The following PRTG variants were observed in gnomAD, a reference collection of about 807,000 sequenced individuals.
The protein encoded by PRTG is immunoglobulin superfamily, DCC subclass, member 5.
A neutral mutation model predicts 122.5 loss-of-function variants in PRTG; 67 were observed. The observed-to-expected ratio is 0.55, with a 90% CI of 0.45 to 0.67. The LOEUF (loss-of-function observed/expected upper bound fraction) is 0.67. PRTG is among the 30% of genes least tolerant of loss of function. PRTG has a pLI of 0.00. For synonymous variants in PRTG, 554 were observed against 501.1 expected (o/e 1.11, Z -1.41); for missense variants, 1,435 against 1,415.4 (o/e 1.01, Z -0.22).
At chr15:55,712,920 C>T (rs539059971) in intron 2 of PRTG, among the ~76,000 whole-genome samples, 2 of 152,222 alleles carry the variant, frequency 1.3e-5, no homozygotes, top group East Asian at 3.9e-4. Context: ...TATTTTAGAC[C>T]ACTCATTTAA....
chr15:55,696,617 C>T (rs2059633399), intron 2 of PRTG, among the ~76,000 whole-genome samples: 1 of 152,294 alleles, frequency 6.6e-6, no homozygotes, highest in South Asian at 2.1e-4. Flanking sequence ...AGGCAAGAAG[C>T]TATTTGTTAT....
chr15:55,645,536 T>C (rs980661112), intron 11 of PRTG, among the ~76,000 whole-genome samples: 3 of 141,996 alleles, frequency 2.1e-5, no homozygotes, highest in Non-Finnish European at 3.1e-5. Context: ...AAAGAAAACA[T>C]AGAACAGCTA....
chr15:55,659,369 C>T (rs963984333), intron 11 of PRTG, among the ~76,000 whole-genome samples: 6 of 152,046 alleles, frequency 3.9e-5, no homozygotes, highest in African/African-American at 1.4e-4. Context: ...CTTTAGTTTA[C>T]ACCATCCCTT....
chr15:55,616,214 A>G lies in PRTG; in HGVS notation c.*3798T>C, dbSNP rs1475046311. 1 of 152,130 alleles carries G rather than the reference A, an allele frequency of 6.6e-6. No individual in the cohort carries two copies. The highest frequency in any genetic ancestry group is 1.5e-5 in the Non-Finnish European group (1 of 68,000). The allele number at this position is 152,130 out of a possible 1,614,324, so 9.4% of individuals were successfully genotyped here. On this transcript the variant is annotated 3_prime_UTR_variant, in exon 20 of 20. Coordinates refer to ENST00000389286, the MANE Select transcript of PRTG (RefSeq NM_173814.6). ...ACCCAAGGTTCCATTAAAGTTTGAA[A>G]ACTGAGCTCCTTTGGTGCAATGCAA...
chr15:55,628,682 A>C, intron 16 of PRTG, 140 bp downstream of exon 16: 1 of 626,718 alleles, frequency 1.6e-6, no homozygotes, highest in Non-Finnish European at 2.6e-6. Flanking sequence ...CAACTCTATA[A>C]CATCAGAAGC....
chr15:55,617,523 T>C lies in PRTG; in HGVS notation c.*2489A>G, dbSNP rs1411077536. The C allele has an allele frequency of 2.0e-5, 3 of 152,128 alleles. No homozygotes were observed. The highest frequency in any genetic ancestry group is 4.8e-5 in the African/African-American group (2 of 41,456). 9.4% of individuals were successfully genotyped at this position (152,128 alleles called of 1,614,324 possible). On this transcript the variant is annotated 3_prime_UTR_variant, in exon 20 of 20. Coordinates refer to ENST00000389286, the MANE Select transcript of PRTG (RefSeq NM_173814.6). Reference sequence around the variant, plus strand: ...AGTTAATTCAATTTGGGGGGAATTATAATCAAAATTTTATTTTCTACTGAA... The same window carrying C: ...AGTTAATTCAATTTGGGGGGAATTACAATCAAAATTTTATTTTCTACTGAA...
rs1465269402 is a variant in PRTG, at chr15:55,673,434, C to G, written c.1789G>C (p.Val597Leu). The G allele has an allele frequency of 6.2e-7, 1 of 1,614,172 alleles. No homozygotes were observed. The highest frequency in any genetic ancestry group is 8.5e-7 in the Non-Finnish European group (1 of 1,180,018). ...CATACTGATGACTCTCCCAGCCCCA[C>G]TCTGGTGGCAGCAGTAATCCGAACC... The part of the protein sequence containing the change: ...YLVRITAATR[V>L]GLGESSVWTS... Residue 597 changes from valine (V) to leucine (L), a missense_variant, in exon 10 of 20, where the codon GTG (valine) becomes CTG (leucine). Coordinates refer to ENST00000389286, the MANE Select transcript of PRTG (RefSeq NM_173814.6).
intron 2 of PRTG, among the ~76,000 whole-genome samples, chr15:55,697,867 G>C (rs1394295408): frequency 6.6e-6 from 1 of 152,156 alleles, no homozygotes; most frequent in Non-Finnish European, 1.5e-5. Flanking sequence ...GATAACGTAA[G>C]GTAATGCATG....
At chr15:55,692,201 C>T (rs917587513) in intron 2 of PRTG, among the ~76,000 whole-genome samples, 4 of 151,800 alleles carry the variant, frequency 2.6e-5, no homozygotes, top group African/African-American at 9.7e-5. Flanking sequence ...TGTTATTTTC[C>T]TGGTTCTAAG....
intron 11 of PRTG, among the ~76,000 whole-genome samples, chr15:55,666,319 T>C (rs1197805446): frequency 1.3e-5 from 2 of 152,252 alleles, no homozygotes; most frequent in Non-Finnish European, 2.9e-5. Flanking sequence ...TGACCTCATT[T>C]AACCTTCAGC....
At chr15:55,654,345 T>C (rs1404801764) in intron 11 of PRTG, among the ~76,000 whole-genome samples, 1 of 152,222 alleles carries the variant, frequency 6.6e-6, no homozygotes, top group Non-Finnish European at 1.5e-5. Context: ...AACCATATTA[T>C]TAAGGCTATG....
At chr15:55,652,861 T>G (rs1398296773) in intron 11 of PRTG, among the ~76,000 whole-genome samples, 1 of 152,122 alleles carries the variant, frequency 6.6e-6, no homozygotes, top group Admixed American at 6.5e-5. Context: ...CAGAATTCTT[T>G]GTCTCATATC....
intron 11 of PRTG, among the ~76,000 whole-genome samples, chr15:55,645,735 T>C (rs2059318608): frequency 6.6e-6 from 1 of 152,040 alleles, no homozygotes; most frequent in South Asian, 2.1e-4. Context: ...CACTGTAAAA[T>C]GCCACAGGGA....
intron 18 of PRTG, 122 bp from the exon 19 acceptor site, chr15:55,620,889 AT>A (rs1194698707): frequency 2.9e-5 from 25 of 869,848 alleles, no homozygotes; most frequent in Non-Finnish European, 4.3e-5. Flanking sequence ...TTTTTATTTT[AT>A]TTTAGATTCA....
Position 55,679,459 on chromosome 15 carries a change from A to G in PRTG, c.974-14T>C. 6.3e-7 allele frequency: 1 copy of G among 1,595,942 alleles called. No homozygotes were observed. The highest frequency in any genetic ancestry group is 2.2e-5 in the East Asian group (1 of 44,590). On this transcript the variant is annotated splice_polypyrimidine_tract_variant and intron_variant, in intron 6 of 19. Coordinates refer to ENST00000389286, the MANE Select transcript of PRTG (RefSeq NM_173814.6). ...ATGAAGGAGGAGCTATTTTTAAAGA[A>G]AAAAATGAAATATTTCTGTGATCCT... is the stretch of plus-strand genomic sequence containing the variant.
At position 55,620,251 on chromosome 15, in the gene PRTG, T is replaced by C. The variant is rs750560314; in HGVS notation, c.3214A>G (p.Thr1072Ala). ...IQVEQPQRRFTPAVCFYQPGT... is the reference protein window; with the variant it reads ...IQVEQPQRRFAPAVCFYQPGT... ...GGCTGGTAAAAGCAGACCGCTGGAG[T>C]AAATCTTCTTTGAGGCTAGGCAAAA... The change falls in exon 20 of 20, where the codon ACT (threonine) becomes GCT (alanine). Residue 1072 changes from threonine to alanine, a missense_variant. Transcript: ENST00000389286. The C allele has an allele frequency of 1.9e-6, 3 of 1,613,772 alleles. No individual in the cohort carries two copies. The highest frequency in any genetic ancestry group is 2.5e-6 in the Non-Finnish European group (3 of 1,179,890).
chr15:55,672,223 T>C (rs779474695), intron 11 of PRTG, among the ~76,000 whole-genome samples: 4 of 152,120 alleles, frequency 2.6e-5, no homozygotes, highest in Non-Finnish European at 5.9e-5. Context: ...TGGACAAAGA[T>C]AGAAAGATAC....
Position 55,679,445 on chromosome 15 carries a change from G to C in PRTG, c.974C>G (p.Ala325Gly). Reference protein sequence around the residue: ...TVAMATLTVLAPPSFVEWPES... With the variant: ...TVAMATLTVLGPPSFVEWPES... ...TGGCCATTCAACAAATGAAGGAGGA[G>C]CTATTTTTAAAGAAAAAAATGAAAT... The change falls in exon 7 of 20, where the codon GCT becomes GGT. Residue 325 changes from alanine to glycine, a missense_variant and splice_region_variant. Coordinates refer to ENST00000389286, the MANE Select transcript of PRTG (RefSeq NM_173814.6). 1 of 1,603,068 alleles carries C rather than the reference G, an allele frequency of 6.2e-7. No homozygotes were observed. Among genetic ancestry groups the C allele is most frequent in the Non-Finnish European group, 8.5e-7 (1 of 1,173,610 alleles).
intron 2 of PRTG, chr15:55,738,345 G>A (rs12906885): frequency 0.42 from 236,264 of 567,958 alleles, 57,315 homozygotes; most frequent in Non-Finnish European, 0.52. Flanking sequence ...TTTTATTTAT[G>A]AAGTTAGAAA....
Sources: allele counts gnomAD v4.1 joint callset (sites outside exome capture counted in the v4.1 genomes callset), GRCh38; gene constraint gnomAD v4.1.1; transcripts MANE v1.5; gene names NCBI Gene and HGNC (gene_info 2026-07-23, HGNC 2026-07-21).